The following ROR1 variants were observed in gnomAD, a reference collection of about 807,000 sequenced individuals.
ROR1 encodes ROR family WNT receptor 1, also known as inactive tyrosine-protein kinase transmembrane receptor ROR1.
ROR1 carries 19 observed loss-of-function variants against 78.8 expected under a neutral mutation model. The observed-to-expected ratio is 0.24, with a 90% confidence interval of 0.17 to 0.35. ROR1 has a LOEUF of 0.35. Ranked by LOEUF, ROR1 falls within the 10% of genes least tolerant of loss-of-function variation. The pLI is 1.00. For missense variants in ROR1, 917 were observed against 1,177.8 expected (o/e 0.78, Z 3.24); for synonymous variants, 386 against 433.6 (o/e 0.89, Z 1.36).
chr1:63,990,651 A>G (rs1238261940), intron 1 of ROR1, among the ~76,000 whole-genome samples: 23 of 152,168 alleles, frequency 1.5e-4, no homozygotes, highest in Non-Finnish European at 1.5e-5. Flanking sequence ...TGTCAAAGAT[A>G]AAATATTTGA....
chr1:64,109,689 A>G (rs574429599), intron 4 of ROR1, among the ~76,000 whole-genome samples: 5 of 152,202 alleles, frequency 3.3e-5, no homozygotes, highest in Non-Finnish European at 7.4e-5. Flanking sequence ...CAGCATGCCC[A>G]GCTAATTTTT....
chr1:63,887,232 G>T (rs1413783737), intron 1 of ROR1, among the ~76,000 whole-genome samples: 1 of 149,506 alleles, frequency 6.7e-6, no homozygotes, highest in African/African-American at 2.4e-5. Context: ...GGATGGGGGG[G>T]TTTGGGGATG....
At chr1:64,014,773 T>TATACACACAC (rs71056017) in intron 2 of ROR1, among the ~76,000 whole-genome samples, 3 of 46,994 alleles carry the variant, frequency 6.4e-5, no homozygotes, top group Non-Finnish European at 9.3e-5. Context: ...TATATATATA[T>TATACACACAC]ACACATTTTG....
intron 1 of ROR1, among the ~76,000 whole-genome samples, chr1:63,834,441 AT>A (rs1427058708): frequency 1.3e-5 from 2 of 152,168 alleles, no homozygotes; most frequent in African/African-American, 4.8e-5. Context: ...ATTTTATTAA[AT>A]TAGTTTTCCC....
At chr1:64,080,875 G>A (rs537969024) in intron 4 of ROR1, among the ~76,000 whole-genome samples, 18 of 152,292 alleles carry the variant, frequency 1.2e-4, no homozygotes, top group Admixed American at 6.5e-4. Context: ...AGACCAAGAC[G>A]GTGGTATGAA....
rs79905543 is a variant in ROR1, at chr1:64,041,348, A to C, written c.164-8343A>C. Among the ~76,000 whole-genome samples the C allele has an allele frequency of 3.8e-3, 586 of 152,284 alleles. 7 individuals are homozygous for C. The highest frequency in any genetic ancestry group is 0.013 in the African/African-American group (558 of 41,556). On this transcript the variant is annotated intron_variant, in intron 2 of 8. Transcript: ENST00000371079. ...CTAAATGCTGGAGACCAGCCACTCTAATTTGGTAGAGATCTTTTCTTAAAA... is the reference window on the plus strand; with the variant it reads ...CTAAATGCTGGAGACCAGCCACTCTCATTTGGTAGAGATCTTTTCTTAAAA...
chr1:63,860,584 C>CACACACACACAT (rs1645173749), intron 1 of ROR1, among the ~76,000 whole-genome samples: 2 of 143,492 alleles, frequency 1.4e-5, no homozygotes, highest in African/African-American at 5.3e-5. Flanking sequence ...CACACACACA[C>CACACACACACAT]ACACACACAC....
chr1:64,064,910 T>G (rs768662785), intron 4 of ROR1, among the ~76,000 whole-genome samples: 3 of 152,212 alleles, frequency 2.0e-5, no homozygotes, highest in Non-Finnish European at 4.4e-5. Flanking sequence ...CTTAGAGCCA[T>G]CTAATAGCTT....
chr1:63,857,018 T>C lies in ROR1; in HGVS notation c.91+82510T>C, dbSNP rs1490620033. Reference sequence around the variant, plus strand: ...TTTGTTTCCTTGAGGACAGGGAATGTCTTTAATCTCGGGATTTCTAACACC... The same window carrying C: ...TTTGTTTCCTTGAGGACAGGGAATGCCTTTAATCTCGGGATTTCTAACACC... On this transcript the variant is annotated intron_variant, in intron 1 of 8. Transcript: ENST00000371079. Among the ~76,000 whole-genome samples, 5 of 152,322 alleles carry C rather than the reference T, an allele frequency of 3.3e-5. No individual in the cohort carries two copies. The East Asian group carries it at 9.6e-4, about 29-fold the overall frequency.
chr1:64,034,918 A>T (rs1456582934), intron 2 of ROR1, among the ~76,000 whole-genome samples: 1 of 138,228 alleles, frequency 7.2e-6, no homozygotes, highest in Non-Finnish European at 1.6e-5. Context: ...CTCGAGGTAG[A>T]TACCTACCTT....
intron 2 of ROR1, among the ~76,000 whole-genome samples, chr1:64,027,961 C>G (rs1646627781): frequency 6.6e-6 from 1 of 152,142 alleles, no homozygotes; most frequent in Non-Finnish European, 1.5e-5. Flanking sequence ...GCTGGGATTA[C>G]AGGTGTGAGC....
At position 64,009,395 on chromosome 1, in the gene ROR1, C is replaced by T. The variant is rs752564242; in HGVS notation, c.163+19C>T. Reference sequence around the variant, plus strand: ...AACAAAGGTACACAGTGGGGGCACACAGGGGAGGCGAGGAAAGAGGTGTGG... The same window carrying T: ...AACAAAGGTACACAGTGGGGGCACATAGGGGAGGCGAGGAAAGAGGTGTGG... On this transcript the variant is annotated intron_variant, in intron 2 of 8. Transcript: ENST00000371079. The T allele has an allele frequency of 9.4e-6, 15 of 1,589,168 alleles. No homozygotes were observed. The highest frequency in any genetic ancestry group is 1.3e-5 in the Non-Finnish European group (15 of 1,157,754).
chr1:64,118,931 C>A (rs1157147322), intron 4 of ROR1, among the ~76,000 whole-genome samples: 1 of 152,152 alleles, frequency 6.6e-6, no homozygotes, highest in Non-Finnish European at 1.5e-5. Flanking sequence ...AGCACGTGGA[C>A]CATAAATGTT....
chr1:63,901,894 C>T (rs985940313), intron 1 of ROR1, among the ~76,000 whole-genome samples: 6 of 151,834 alleles, frequency 4.0e-5, no homozygotes, highest in African/African-American at 1.2e-4. Flanking sequence ...CAAAGATACT[C>T]TGTTCTGTTT....
At chr1:63,964,321 T>C (rs926378980) in intron 1 of ROR1, among the ~76,000 whole-genome samples, 4 of 152,212 alleles carry the variant, frequency 2.6e-5, no homozygotes, top group African/African-American at 9.7e-5. Flanking sequence ...TTGGGTTTCA[T>C]AGCAAGAGTT....
At chr1:64,117,551 G>A (rs895408065) in intron 4 of ROR1, among the ~76,000 whole-genome samples, 4 of 151,902 alleles carry the variant, frequency 2.6e-5, no homozygotes, top group Non-Finnish European at 5.9e-5. Flanking sequence ...ATCACCTGCT[G>A]CATGCCACAC....
At position 64,118,411 on chromosome 1, in the gene ROR1, G is replaced by A. The variant is rs537455949; in HGVS notation, c.483-18958G>A. The stretch of plus-strand genomic sequence containing the variant: ...TGGGAGGCCGAGGCAGGCAGATCAT[G>A]AGGTCAGGAGTTCAAGACCAGCCTG... On this transcript the variant is annotated intron_variant, in intron 4 of 8. Transcript: ENST00000371079. Among the ~76,000 whole-genome samples the A allele has an allele frequency of 2.6e-5, 4 of 152,042 alleles. No individual in the cohort carries two copies. The East Asian group carries it at 7.7e-4, about 29-fold the overall frequency.
At chr1:63,961,945 C>T (rs750113413) in intron 1 of ROR1, among the ~76,000 whole-genome samples, 13 of 152,076 alleles carry the variant, frequency 8.5e-5, no homozygotes, top group Non-Finnish European at 1.8e-4. Flanking sequence ...TGAAATAGGA[C>T]ATTTATCTCA....
intron 1 of ROR1, among the ~76,000 whole-genome samples, chr1:63,871,864 G>A (rs1645253539): frequency 1.3e-5 from 2 of 152,158 alleles, no homozygotes; most frequent in African/African-American, 2.4e-5. Context: ...CTGAAACTGG[G>A]CATAATGTGT....
Sources: gnomAD v4.1 joint callset for allele counts (sites outside exome capture counted in the v4.1 genomes callset) on GRCh38, gnomAD v4.1.1 for gene constraint, MANE v1.5 for transcripts, NCBI Gene and HGNC (gene_info 2026-07-23, HGNC 2026-07-21) for gene names.